PPARD: variants seen among roughly 807,000 people sequenced by gnomAD.
PPARD encodes the protein peroxisome proliferator-activated receptor delta.
A neutral mutation model predicts 39.5 loss-of-function variants in PPARD; 6 were observed. The ratio of observed to expected loss-of-function variants is 0.15; its 90% CI spans 0.08 to 0.30. The LOEUF (loss-of-function observed/expected upper bound fraction) is 0.30, where lower values mean the gene tolerates loss of function less well. Among genes scored for constraint, PPARD ranks in the 10% least tolerant of loss-of-function variants. PPARD has a pLI of 1.00. For synonymous variants in PPARD, 210 were observed against 231.3 expected (o/e 0.91, Z 0.83); for missense variants, 397 against 596.8 (o/e 0.67, Z 3.49).
At chr6:35,353,522 G>T (rs1327160888) in intron 2 of PPARD, among the ~76,000 whole-genome samples, 2 of 152,134 alleles carry the variant, frequency 1.3e-5, no homozygotes, top group African/African-American at 4.8e-5. Context: ...TATTGTCAAA[G>T]CACATAAAAA....
intron 2 of PPARD, among the ~76,000 whole-genome samples, chr6:35,358,067 C>T (rs182839312): frequency 6.6e-6 from 1 of 152,182 alleles, no homozygotes; most frequent in Admixed American, 6.5e-5. Flanking sequence ...ATGGACTTTG[C>T]ACATGTAATT....
chr6:35,387,770 A>T lies in PPARD; in HGVS notation c.-101-23217A>T, dbSNP rs1763762453. On this transcript the variant is annotated intron_variant, in intron 2 of 7. Transcript: ENST00000360694. ...GGAGTCTTGTGCTGTCTCCCAGGCT[A>T]GAGTGGAATGGCACGATCTCTGCTC... is the stretch of plus-strand genomic sequence containing the variant. Among the ~76,000 whole-genome samples the T allele has an allele frequency of 1.6e-5, 2 of 121,762 alleles. 1 individual carries two copies. Among genetic ancestry groups the T allele is most frequent in the South Asian group, 4.9e-4 (2 of 4,054 alleles). The allele number at this position is 121,762 out of a possible 152,430, so 79.9% of individuals were successfully genotyped here.
At chr6:35,396,559 G>C (rs1699681332) in intron 2 of PPARD, among the ~76,000 whole-genome samples, 2 of 148,714 alleles carry the variant, frequency 1.3e-5, no homozygotes, top group East Asian at 4.0e-4. Flanking sequence ...GGCCAGGCGT[G>C]GTGGCTCATG....
chr6:35,375,040 T>C (rs147425344), intron 2 of PPARD, among the ~76,000 whole-genome samples: 2,118 of 152,286 alleles, frequency 0.014, 20 homozygotes, highest in Middle Eastern at 0.027. Flanking sequence ...TGTGTCACGA[T>C]GTTTAGGAGT....
intron 2 of PPARD, among the ~76,000 whole-genome samples, chr6:35,377,377 C>T (rs9658088): frequency 3.9e-5 from 6 of 152,144 alleles, no homozygotes; most frequent in African/African-American, 1.4e-4. Flanking sequence ...AGTCCCGTAT[C>T]CTACTGAAAG....
At chr6:35,407,000 G>C (rs1384237212) in intron 2 of PPARD, among the ~76,000 whole-genome samples, 1 of 152,162 alleles carries the variant, frequency 6.6e-6, no homozygotes, top group African/African-American at 2.4e-5. Context: ...GGCCTATAAG[G>C]CCTTAATGGG....
chr6:35,425,973 G>A lies in PPARD; in HGVS notation c.1220G>A (p.Arg407Gln), dbSNP rs372497373. Residue 407 changes from arginine to glutamine, a missense_variant, in exon 8 of 8, where the codon CGG (arginine) becomes CAG (glutamine). Transcript: ENST00000360694. The surrounding 1 kb of genome is among the most constrained non-coding windows in gnomAD (Gnocchi z 4.5). ...PKLLQKMADL[R>Q]QLVTEHAQMM... Reference sequence around the variant, plus strand: ...CTGCTGCAGAAGATGGCTGACCTGCGGCAACTGGTCACCGAGCACGCCCAG... The same window carrying A: ...CTGCTGCAGAAGATGGCTGACCTGCAGCAACTGGTCACCGAGCACGCCCAG... 5 of 1,613,994 alleles carry A rather than the reference G, an allele frequency of 3.1e-6. No homozygotes were observed. Among genetic ancestry groups the A allele is most frequent in the Admixed American group, 1.7e-5 (1 of 59,996 alleles).
intron 2 of PPARD, among the ~76,000 whole-genome samples, chr6:35,373,583 C>T (rs563977328): frequency 1.3e-5 from 2 of 152,262 alleles, no homozygotes; most frequent in South Asian, 2.1e-4. Context: ...GCTGTTGGTA[C>T]GTCTCTTGTG....
intron 4 of PPARD, among the ~76,000 whole-genome samples, chr6:35,420,898 T>C (rs1426296871): frequency 2.2e-5 from 3 of 134,324 alleles, no homozygotes; most frequent in Non-Finnish European, 4.7e-5. Context: ...GTGATCTCAG[T>C]TAACTGCAAC....
intron 2 of PPARD, among the ~76,000 whole-genome samples, chr6:35,352,623 T>A (rs998578938): frequency 6.6e-6 from 1 of 152,172 alleles, no homozygotes; most frequent in African/African-American, 2.4e-5. Flanking sequence ...AGCTGGGTGG[T>A]TCTTGCTTGG....
At position 35,425,844 on chromosome 6, in the gene PPARD, T is replaced by C; in HGVS notation, c.1091T>C (p.Leu364Pro). ...TGTGTCCCCACAGACCGGCCAGGCC[T>C]CATGAACGTTCCACGGGTGGAGGCT... ...AIILCGDRPGLMNVPRVEAIQ... is the reference protein window; with the variant it reads ...AIILCGDRPGPMNVPRVEAIQ... The change falls in exon 8 of 8, where the codon CTC becomes CCC. Residue 364 changes from leucine to proline, a missense_variant. Coordinates refer to ENST00000360694, the MANE Select transcript of PPARD (RefSeq NM_006238.5). The surrounding 1 kb of genome is among the most constrained non-coding windows in gnomAD (Gnocchi z 4.5). 1 of 1,614,036 alleles carries C rather than the reference T, an allele frequency of 6.2e-7. No homozygotes were observed. Among genetic ancestry groups the C allele is most frequent in the South Asian group, 1.1e-5 (1 of 91,082 alleles).
At chr6:35,364,291 A>G (rs1460788287) in intron 2 of PPARD, among the ~76,000 whole-genome samples, 3 of 152,154 alleles carry the variant, frequency 2.0e-5, no homozygotes, top group Non-Finnish European at 4.4e-5. Flanking sequence ...TTTATTGGTA[A>G]ATTGGTGGAC....
At chr6:35,420,934 C>G (rs1766119023) in intron 4 of PPARD, among the ~76,000 whole-genome samples, 2 of 137,958 alleles carry the variant, frequency 1.4e-5, no homozygotes, top group Non-Finnish European at 3.0e-5. Flanking sequence ...TCAGGAGATT[C>G]TCCTGCCTGA....
In PPARD at chr6:35,412,991, G is replaced by A. The variant is rs1482671721; in HGVS notation, c.130+1774G>A. ...TGTGGGATGTCATGAGGATTCAGGGGAGAATGCAAGGAGAAGAGACGGCCA... is the reference window on the plus strand; with the variant it reads ...TGTGGGATGTCATGAGGATTCAGGGAAGAATGCAAGGAGAAGAGACGGCCA... On this transcript the variant is annotated intron_variant, in intron 3 of 7. Coordinates refer to ENST00000360694, the MANE Select transcript of PPARD (RefSeq NM_006238.5). This position sits in a 1 kb window ranked among gnomAD's most constrained non-coding sequence, Gnocchi z 4.1. 6.6e-6 allele frequency among the ~76,000 whole-genome samples: 1 copy of A among 152,226 alleles called. No homozygotes were observed. The highest frequency in any genetic ancestry group is 1.5e-5 in the Non-Finnish European group (1 of 68,040).
In PPARD at chr6:35,363,816, C is replaced by T. The variant is rs1762047256; in HGVS notation, c.-102+16666C>T. On this transcript the variant is annotated intron_variant, in intron 2 of 7. Transcript: ENST00000360694. The surrounding 1 kb of genome is among the most constrained non-coding windows in gnomAD (Gnocchi z 4.5). Reference sequence around the variant, plus strand: ...GCAGTTTATTTTATTTTATATTCTACATATTTTTATAGCATAAAATTAAGA... The same window carrying T: ...GCAGTTTATTTTATTTTATATTCTATATATTTTTATAGCATAAAATTAAGA... 2.0e-5 allele frequency among the ~76,000 whole-genome samples: 3 copies of T among 152,244 alleles called. No individual in the cohort carries two copies. In the South Asian group the frequency reaches 6.2e-4, roughly 32 times the overall value.
intron 2 of PPARD, among the ~76,000 whole-genome samples, chr6:35,361,572 G>A (rs1761928675): frequency 6.6e-6 from 1 of 152,132 alleles, no homozygotes; most frequent in African/African-American, 2.4e-5. Context: ...ATTGGCCTGC[G>A]TAGGTATTAA....
At position 35,366,328 on chromosome 6, in the gene PPARD, T is replaced by A. The variant is rs953640510; in HGVS notation, c.-102+19178T>A. Among the ~76,000 whole-genome samples the A allele has an allele frequency of 6.6e-6, 1 of 151,610 alleles. No individual in the cohort carries two copies. The highest frequency in any genetic ancestry group is 2.4e-5 in the African/African-American group (1 of 40,900). ...CAGATGGAGCCATGATTGTGGACAA[T>A]CTTACATACTTAGCTGAGAGGTTGT... On this transcript the variant is annotated intron_variant, in intron 2 of 7. Transcript: ENST00000360694. This position sits in a 1 kb window ranked among gnomAD's most constrained non-coding sequence, Gnocchi z 4.6.
In PPARD at chr6:35,426,180, G is replaced by A; in HGVS notation, c.*101G>A. ...GACCAGCCCTTGAGCACCCGGCCTG[G>A]AGCAGCAGAGTCCCACGATCGCCCT... On this transcript the variant is annotated 3_prime_UTR_variant, in exon 8 of 8. Transcript: ENST00000360694. 6.8e-7 allele frequency: 1 copy of A among 1,476,640 alleles called. No individual in the cohort carries two copies. The highest frequency in any genetic ancestry group is 2.1e-5 in the Admixed American group (1 of 48,076). 91.5% of individuals were successfully genotyped at this position (1,476,640 alleles called of 1,614,324 possible).
At chr6:35,409,628 C>T (rs188996169) in intron 2 of PPARD, among the ~76,000 whole-genome samples, 105 of 152,054 alleles carry the variant, frequency 6.9e-4, no homozygotes, top group African/African-American at 2.3e-3. Context: ...GTGTCACAGG[C>T]GTTTATTATA....
Sources: gnomAD v4.1 joint callset for allele counts (sites outside exome capture counted in the v4.1 genomes callset) on GRCh38, gnomAD v4.1.1 for gene constraint, Gnocchi (gnomAD v3.1) non-coding constraint, MANE v1.5 for transcripts, NCBI Gene and HGNC (gene_info 2026-07-23, HGNC 2026-07-21) for gene names.